The following LHPP variants were observed in gnomAD, a reference collection of about 807,000 sequenced individuals.
LHPP encodes phospholysine phosphohistidine inorganic pyrophosphate phosphatase.
Under a neutral mutation model 30.3 loss-of-function variants are expected in LHPP, and 24 were observed. That is an observed-to-expected ratio of 0.79 (90% confidence interval 0.57 to 1.11). LHPP has a LOEUF of 1.11. Among genes scored for constraint, LHPP ranks in the 50% most tolerant of loss-of-function variants. The probability of loss-of-function intolerance (pLI) is 0.00; values close to 1 mark genes in which losing one functional copy is unlikely to be tolerated. For missense variants in LHPP, 356 were observed against 367.2 expected (o/e 0.97, Z 0.25); for synonymous variants, 150 against 157.1 (o/e 0.95, Z 0.34).
intron 6 of LHPP, among the ~76,000 whole-genome samples, chr10:124,528,071 T>C (rs1464641268): frequency 8.8e-6 from 1 of 114,208 alleles, no homozygotes; most frequent in African/African-American, 3.5e-5. Flanking sequence ...CTTTTTGCCT[T>C]GCTTGGCTCT....
chr10:124,603,014 T>C (rs1175324939), intron 6 of LHPP, among the ~76,000 whole-genome samples: 1 of 151,580 alleles, frequency 6.6e-6, no homozygotes, highest in Non-Finnish European at 1.5e-5. Flanking sequence ...CAGGGCAGGG[T>C]GGGGTGTGGC....
intron 1 of LHPP, among the ~76,000 whole-genome samples, chr10:124,470,859 G>A (rs1016953148): frequency 6.6e-6 from 1 of 152,114 alleles, no homozygotes; most frequent in Non-Finnish European, 1.5e-5. Flanking sequence ...CTGGACCTTG[G>A]ACAAGGGGTG....
intron 6 of LHPP, among the ~76,000 whole-genome samples, chr10:124,594,427 C>T (rs981226379): frequency 1.3e-5 from 2 of 151,446 alleles, no homozygotes; most frequent in East Asian, 1.9e-4. Context: ...CCTCCAGTTT[C>T]CTGCCAGCCC....
intron 6 of LHPP, among the ~76,000 whole-genome samples, chr10:124,581,811 C>CT (rs1215786389): frequency 1.6e-5 from 2 of 124,608 alleles, no homozygotes; most frequent in Non-Finnish European, 3.7e-5. Flanking sequence ...TAAACAGATT[C>CT]TGCTTTGTCG....
chr10:124,545,644 CA>C (rs1315288739), intron 6 of LHPP, among the ~76,000 whole-genome samples: 4 of 148,888 alleles, frequency 2.7e-5, no homozygotes, highest in Admixed American at 6.6e-5. Flanking sequence ...GCGGGTGTGT[CA>C]GGGGGCGGGG....
intron 6 of LHPP, among the ~76,000 whole-genome samples, chr10:124,522,729 C>CA (rs1554886535): frequency 4.0e-5 from 6 of 149,618 alleles, no homozygotes; most frequent in African/African-American, 1.5e-4. Context: ...CCACGCCCCC[C>CA]CCCAAGCACT....
chr10:124,470,086 C>A (rs1952682074), intron 1 of LHPP, among the ~76,000 whole-genome samples: 1 of 152,186 alleles, frequency 6.6e-6, no homozygotes, highest in East Asian at 1.9e-4. Flanking sequence ...CGGCCGTGTC[C>A]CCCCAACAGG....
At chr10:124,518,506 A>C (rs1466543906) in intron 6 of LHPP, among the ~76,000 whole-genome samples, 1 of 152,256 alleles carries the variant, frequency 6.6e-6, no homozygotes, top group East Asian at 1.9e-4. Flanking sequence ...GCCTGGCGTC[A>C]GCCGTCAGGA....
chr10:124,476,368 G>A (rs1176272161), intron 1 of LHPP, among the ~76,000 whole-genome samples: 5 of 152,254 alleles, frequency 3.3e-5, no homozygotes, highest in Admixed American at 6.5e-5. Flanking sequence ...GCTGGAGCCA[G>A]TGTGAGGCCG....
intron 6 of LHPP, among the ~76,000 whole-genome samples, chr10:124,587,371 G>C (rs1948818071): frequency 6.6e-6 from 1 of 151,976 alleles, no homozygotes; most frequent in African/African-American, 2.4e-5. Flanking sequence ...TACCATGGCT[G>C]ATTTCCTCTG....
intron 5 of LHPP, among the ~76,000 whole-genome samples, chr10:124,514,938 A>T (rs1345443488): frequency 1.3e-5 from 2 of 152,054 alleles, no homozygotes; most frequent in Non-Finnish European, 2.9e-5. Context: ...AGTAGCTGGG[A>T]CTACAGGCGT....
rs1185489468 is a variant in LHPP, at chr10:124,517,839, T to C, written c.716+568T>C. 1.3e-5 allele frequency among the ~76,000 whole-genome samples: 2 copies of C among 151,966 alleles called. No individual in the cohort carries two copies. The highest frequency in any genetic ancestry group is 6.6e-5 in the Admixed American group (1 of 15,266). On this transcript the variant is annotated intron_variant, in intron 6 of 6. Transcript: ENST00000368842. The surrounding 1 kb of genome is among the most constrained non-coding windows in gnomAD (Gnocchi z 4.1). ...GTCAGGGGTTGGGAGCTCCCAGGCATGTGGAGGGCCCTGTGGTACCCAAGC... is the reference window on the plus strand; with the variant it reads ...GTCAGGGGTTGGGAGCTCCCAGGCACGTGGAGGGCCCTGTGGTACCCAAGC...
intron 6 of LHPP, among the ~76,000 whole-genome samples, chr10:124,553,205 G>C (rs1012797152): frequency 6.8e-6 from 1 of 147,874 alleles, no homozygotes; most frequent in Non-Finnish European, 1.5e-5. Flanking sequence ...GCCATCCCCA[G>C]AACACGGCTG....
chr10:124,515,143 C>T (rs1277244306), intron 5 of LHPP, among the ~76,000 whole-genome samples: 1 of 152,130 alleles, frequency 6.6e-6, no homozygotes, highest in South Asian at 2.1e-4. Flanking sequence ...TACATCAGGC[C>T]GCTTGAAGTT....
chr10:124,589,933 C>T (rs554736381), intron 6 of LHPP, among the ~76,000 whole-genome samples: 3 of 152,266 alleles, frequency 2.0e-5, no homozygotes, highest in East Asian at 1.9e-4. Context: ...TGGCGGGGCT[C>T]GGGAGCTGTC....
At chr10:124,493,383 G>A (rs11595089) in intron 3 of LHPP, among the ~76,000 whole-genome samples, 28,138 of 152,084 alleles carry the variant, frequency 0.19, 2,703 homozygotes, top group Middle Eastern at 0.31. Context: ...CCTGCACTGC[G>A]GGACACAGGG....
intron 6 of LHPP, among the ~76,000 whole-genome samples, chr10:124,597,933 C>G (rs557429994): frequency 6.6e-6 from 1 of 152,220 alleles, no homozygotes; most frequent in Non-Finnish European, 1.5e-5. Flanking sequence ...CGCCCAGGCC[C>G]GTCCCTCTGC....
chr10:124,568,060 C>T (rs932332360), intron 6 of LHPP, among the ~76,000 whole-genome samples: 1 of 152,072 alleles, frequency 6.6e-6, no homozygotes, highest in African/African-American at 2.4e-5. Flanking sequence ...ACTACAGGCG[C>T]GTGCCACCAC....
intron 3 of LHPP, chr10:124,493,572 C>G (rs758716040): frequency 6.6e-6 from 1 of 152,194 alleles, no homozygotes; most frequent in African/African-American, 2.4e-5. Context: ...GCTGTTTACC[C>G]GACAGACTAT....
Sources: allele counts gnomAD v4.1 joint callset (sites outside exome capture counted in the v4.1 genomes callset), GRCh38; gene constraint gnomAD v4.1.1; non-coding constraint Gnocchi (gnomAD v3.1); transcripts MANE v1.5; gene names NCBI Gene and HGNC (gene_info 2026-07-23, HGNC 2026-07-21).